RBFOX1: variants seen among roughly 807,000 people sequenced by gnomAD.
RBFOX1 encodes RNA binding fox-1 homolog 1, also known as RNA binding protein fox-1 homolog 1.
In RBFOX1, 8 loss-of-function variants were observed where a neutral mutation model predicts 57.7. That is an observed-to-expected ratio of 0.14 (90% CI 0.08 to 0.25). The LOEUF (loss-of-function observed/expected upper bound fraction) is 0.25. RBFOX1 is among the 10% of genes least tolerant of loss of function. RBFOX1 has a pLI of 1.00. For synonymous variants in RBFOX1, 326 were observed against 222.4 expected (o/e 1.47, Z -4.15); for missense variants, 611 against 548.5 (o/e 1.11, Z -1.14).
At chr16:5,290,098 T>C (rs1204811886) in intron 1 of RBFOX1, among the ~76,000 whole-genome samples, 1 of 152,214 alleles carries the variant, frequency 6.6e-6, no homozygotes, top group Non-Finnish European at 1.5e-5. Flanking sequence ...GAGAATATTA[T>C]GCTAAGTGGA....
chr16:5,882,746 G>T (rs1391000006), intron 4 of RBFOX1, among the ~76,000 whole-genome samples: 1 of 152,094 alleles, frequency 6.6e-6, no homozygotes, highest in East Asian at 1.9e-4. Context: ...TCCCTGGGCG[G>T]GTTAAAGACG....
chr16:7,075,063 G>A (rs116477012), intron 4 of RBFOX1, among the ~76,000 whole-genome samples: 1,546 of 152,212 alleles, frequency 0.01, 29 homozygotes, highest in African/African-American at 0.035. Context: ...AGCAACATAC[G>A]GCAAATTCGA....
intron 1 of RBFOX1, among the ~76,000 whole-genome samples, chr16:6,127,109 G>A (rs1043110361): frequency 1.3e-5 from 2 of 152,238 alleles, no homozygotes; most frequent in East Asian, 3.9e-4. Flanking sequence ...CAAGTGCATA[G>A]GCCTCAGGTT....
chr16:7,316,355 C>T (rs536290320), intron 4 of RBFOX1, among the ~76,000 whole-genome samples: 2 of 152,304 alleles, frequency 1.3e-5, no homozygotes, highest in East Asian at 1.9e-4. Context: ...ATTGCATGAT[C>T]TGTTTACAGA....
chr16:6,948,520 C>G (rs1180746939), intron 3 of RBFOX1, among the ~76,000 whole-genome samples: 1 of 150,414 alleles, frequency 6.6e-6, no homozygotes, highest in African/African-American at 2.4e-5. Context: ...GTAGCTTGGA[C>G]TAGAGGCGCC....
chr16:7,199,805 G>C (rs1005457405), intron 4 of RBFOX1, among the ~76,000 whole-genome samples: 2 of 152,098 alleles, frequency 1.3e-5, no homozygotes, highest in African/African-American at 2.4e-5. Flanking sequence ...TGAGACCCAA[G>C]AATTGCTTGA....
At chr16:7,707,823 T>C (rs951246017) in intron 14 of RBFOX1, among the ~76,000 whole-genome samples, 3 of 152,154 alleles carry the variant, frequency 2.0e-5, no homozygotes, top group Middle Eastern at 3.2e-3. Flanking sequence ...GCGTTTTTTT[T>C]CCCCTTGCTC....
intron 3 of RBFOX1, among the ~76,000 whole-genome samples, chr16:6,915,025 C>T (rs928961498): frequency 1.3e-5 from 2 of 152,204 alleles, no homozygotes; most frequent in South Asian, 2.1e-4. Context: ...TGGTGTAAGT[C>T]GGCTTTGCTC....
chr16:5,969,036 G>C (rs1246059662), intron 4 of RBFOX1, among the ~76,000 whole-genome samples: 1 of 151,890 alleles, frequency 6.6e-6, no homozygotes. Flanking sequence ...ATTAAAATGA[G>C]TTTTTTCTTT....
At chr16:6,188,212 C>T (rs1055929769) in intron 1 of RBFOX1, among the ~76,000 whole-genome samples, 2 of 152,012 alleles carry the variant, frequency 1.3e-5, no homozygotes, top group African/African-American at 2.4e-5. Flanking sequence ...TTCAAACTGG[C>T]GTGATCCAAG....
chr16:6,291,840 C>G (rs1265809150), intron 1 of RBFOX1, among the ~76,000 whole-genome samples: 2 of 152,130 alleles, frequency 1.3e-5, no homozygotes, highest in African/African-American at 4.8e-5. Context: ...GGCACATGTT[C>G]TTAACTTTGG....
chr16:6,909,331 C>G (rs2070939104), intron 3 of RBFOX1, among the ~76,000 whole-genome samples: 1 of 152,170 alleles, frequency 6.6e-6, no homozygotes, highest in Non-Finnish European at 1.5e-5. Flanking sequence ...TGGTCTTCCT[C>G]TTGTAAGGAA....
In RBFOX1 at chr16:6,636,806, A is replaced by T. The variant is rs373993312; in HGVS notation, c.-63-17797A>T. On this transcript the variant is annotated intron_variant, in intron 2 of 15. Coordinates refer to ENST00000550418, the MANE Select transcript of RBFOX1 (RefSeq NM_018723.4). ...ATAATATATAATATATGTTATATAT[A>T]ATATATAATATATAATATATGTTAT... is the stretch of plus-strand genomic sequence containing the variant. Among the ~76,000 whole-genome samples, 8 of 10,328 alleles carry T rather than the reference A, an allele frequency of 7.7e-4. 1 individual carries two copies. The highest frequency in any genetic ancestry group is 5.0e-3 in the Non-Finnish European group (1 of 200). The allele number at this position is 10,328 out of a possible 152,430, so 6.8% of individuals were successfully genotyped here. A position where few individuals can be genotyped will look rare whatever the true frequency, so the allele number is the denominator to read the frequency against.
intron 3 of RBFOX1, among the ~76,000 whole-genome samples, chr16:7,000,771 A>G (rs1568308336): frequency 6.6e-6 from 1 of 151,298 alleles, no homozygotes; most frequent in South Asian, 2.1e-4. Flanking sequence ...TGCCTGGCTA[A>G]CTTTCTATAT....
At chr16:7,157,371 T>C (rs988059164) in intron 4 of RBFOX1, among the ~76,000 whole-genome samples, 3 of 152,050 alleles carry the variant, frequency 2.0e-5, no homozygotes, top group Non-Finnish European at 2.9e-5. Flanking sequence ...GCAATAAATG[T>C]ATGGTAAATG....
At chr16:6,942,222 G>T (rs1034291581) in intron 3 of RBFOX1, among the ~76,000 whole-genome samples, 1 of 152,170 alleles carries the variant, frequency 6.6e-6, no homozygotes, top group Non-Finnish European at 1.5e-5. Context: ...CTGGGTGACA[G>T]TGAACCAGGA....
chr16:6,523,279 G>A (rs77227929), intron 2 of RBFOX1, among the ~76,000 whole-genome samples: 1,944 of 152,228 alleles, frequency 0.013, 31 homozygotes, highest in African/African-American at 0.044. Flanking sequence ...GAGACAGAGG[G>A]AGGGGGGGTT....
rs200006032 is a variant in RBFOX1 at position 6,201,746 on chromosome 16, C to CACATT, written c.-126-115248_-126-115244dup. On this transcript the variant is annotated intron_variant, in intron 1 of 15. Coordinates refer to ENST00000550418, the MANE Select transcript of RBFOX1 (RefSeq NM_018723.4). Reference sequence around the variant, plus strand: ...CCCAGTTACCTTAATTTGATCCTTACACATTGCCTGCCTGTATCAAAACAT... The same window carrying CACATT: ...CCCAGTTACCTTAATTTGATCCTTACACATTACATTGCCTGCCTGTATCAAAACAT... Among the ~76,000 whole-genome samples, 6 of 152,266 alleles carry CACATT rather than the reference C, an allele frequency of 3.9e-5. No individual in the cohort carries two copies. In the East Asian group the frequency reaches 1.2e-3, roughly 29 times the overall value.
intron 1 of RBFOX1, among the ~76,000 whole-genome samples, chr16:5,282,718 C>A (rs142033028): frequency 1.1e-4 from 16 of 152,174 alleles, no homozygotes; most frequent in Non-Finnish European, 1.6e-4. Flanking sequence ...AAGCATTCAA[C>A]ACATGACTTG....
Sources: allele counts gnomAD v4.1 joint callset (sites outside exome capture counted in the v4.1 genomes callset), GRCh38; gene constraint gnomAD v4.1.1; transcripts MANE v1.5; gene names NCBI Gene and HGNC (gene_info 2026-07-23, HGNC 2026-07-21).